The following PCSK6 variants were observed in gnomAD, a reference collection of about 807,000 sequenced individuals.
PCSK6 encodes proprotein convertase subtilisin/kexin type 6, also known as paired basic amino acid cleaving enzyme 4.
In PCSK6, 85 loss-of-function variants were observed where a neutral mutation model predicts 123.3. The observed-to-expected ratio is 0.69, with a 90% CI of 0.58 to 0.83. The LOEUF (loss-of-function observed/expected upper bound fraction) is 0.83, where lower values mean the gene tolerates loss of function less well. Among genes scored for constraint, PCSK6 ranks in the 40% least tolerant of loss-of-function variants. The pLI is 0.00. For synonymous variants in PCSK6, 508 were observed against 516.0 expected (o/e 0.98, Z 0.21); for missense variants, 1,191 against 1,282.3 (o/e 0.93, Z 1.09).
intron 2 of PCSK6, among the ~76,000 whole-genome samples, chr15:101,434,768 G>C (rs2056548023): frequency 6.6e-6 from 1 of 150,776 alleles, no homozygotes; most frequent in Admixed American, 6.6e-5. Context: ...ACGGGATGCA[G>C]GCAGACAGCG....
intron 12 of PCSK6, among the ~76,000 whole-genome samples, chr15:101,369,839 C>T (rs1443278831): frequency 6.6e-6 from 1 of 152,214 alleles, no homozygotes; most frequent in Non-Finnish European, 1.5e-5. Flanking sequence ...TCCCCACATA[C>T]CACCCGAGCC....
chr15:101,433,983 C>T (rs989115685), intron 2 of PCSK6, among the ~76,000 whole-genome samples: 8 of 151,684 alleles, frequency 5.3e-5, no homozygotes, highest in Admixed American at 3.3e-4. Flanking sequence ...ACCAGTTTCA[C>T]GTCACACACT....
chr15:101,458,128 T>C (rs1342185671), intron 1 of PCSK6, among the ~76,000 whole-genome samples: 1 of 152,216 alleles, frequency 6.6e-6, no homozygotes, highest in East Asian at 1.9e-4. Flanking sequence ...ATGGCTGTTC[T>C]ACTCATGCTG....
chr15:101,448,543 T>C (rs916868111), intron 1 of PCSK6, among the ~76,000 whole-genome samples: 6 of 152,188 alleles, frequency 3.9e-5, no homozygotes, highest in Non-Finnish European at 5.9e-5. Context: ...CAGCTGACGC[T>C]TGCTGGGCAC....
At chr15:101,364,912 A>G (rs2041343389) in intron 13 of PCSK6, 5 of 670,358 alleles carry the variant, frequency 7.5e-6, no homozygotes, top group African/African-American at 1.7e-5. Flanking sequence ...AACTTACTAC[A>G]AAGCTACAGT....
chr15:101,364,879 G>T (rs4965833), intron 13 of PCSK6: 27 of 599,774 alleles, frequency 4.5e-5, no homozygotes, highest in Non-Finnish European at 8.2e-5. Flanking sequence ...CCAAGTTGGA[G>T]GACTCGCACT....
chr15:101,403,710 T>TTTA (rs1403261526), intron 6 of PCSK6, among the ~76,000 whole-genome samples: 1 of 143,924 alleles, frequency 6.9e-6, no homozygotes, highest in East Asian at 2.1e-4. Flanking sequence ...TGCCATTGCC[T>TTTA]TTATTTATTT....
At chr15:101,322,419 C>A in intron 18 of PCSK6, 101 bp downstream of exon 18, 1 of 787,646 alleles carries the variant, frequency 1.3e-6, no homozygotes, top group Non-Finnish European at 2.1e-6. Flanking sequence ...GGGCCTCTGA[C>A]AGTTCAGCTT....
intron 18 of PCSK6, among the ~76,000 whole-genome samples, chr15:101,321,734 T>C (rs2040126882): frequency 1.3e-5 from 2 of 152,250 alleles, no homozygotes; most frequent in Admixed American, 6.5e-5. Context: ...TCCTCACCAC[T>C]GCCAGCCTGC....
intron 13 of PCSK6, among the ~76,000 whole-genome samples, chr15:101,363,073 G>A (rs2041282732): frequency 6.6e-6 from 1 of 152,236 alleles, no homozygotes; most frequent in Non-Finnish European, 1.5e-5. Flanking sequence ...ATAAAGGGGA[G>A]CAGAGAAGTG....
chr15:101,418,660 C>A (rs1326595249), intron 6 of PCSK6, among the ~76,000 whole-genome samples: 2 of 151,884 alleles, frequency 1.3e-5, no homozygotes, highest in Non-Finnish European at 2.9e-5. Flanking sequence ...TTACAGGTGC[C>A]TGCCACCATG....
At chr15:101,422,778 C>A (rs752001387) in intron 6 of PCSK6, among the ~76,000 whole-genome samples, 1 of 152,134 alleles carries the variant, frequency 6.6e-6, no homozygotes, top group Non-Finnish European at 1.5e-5. Context: ...CCCGCCACCG[C>A]GCCCGGCTAA....
At chr15:101,405,075 T>C (rs1244874071) in intron 6 of PCSK6, among the ~76,000 whole-genome samples, 2 of 152,198 alleles carry the variant, frequency 1.3e-5, no homozygotes, top group Non-Finnish European at 2.9e-5. Context: ...GCATCTATTT[T>C]CCCCAACACT....
intron 1 of PCSK6, among the ~76,000 whole-genome samples, chr15:101,460,640 T>TACCAGGACTTCAAGCAC (rs1328954827): frequency 6.6e-6 from 1 of 152,174 alleles, no homozygotes; most frequent in Admixed American, 6.6e-5. Context: ...CTGAGCCCAG[T>TACCAGGACTTCAAGCAC]ACCAGGACTT....
intron 6 of PCSK6, among the ~76,000 whole-genome samples, chr15:101,401,249 C>T (rs1357278896): frequency 6.6e-6 from 1 of 152,230 alleles, no homozygotes; most frequent in South Asian, 2.1e-4. Context: ...GCGTGGGCAG[C>T]GATGGAGGAT....
chr15:101,398,589 A>C lies in PCSK6; in HGVS notation c.824-13T>G. ...AGCATGCGGATGCCTGAAAGCACAG[A>C]GGAGGCTCGGTGTCGGCGCCCAGGC... is the stretch of plus-strand genomic sequence containing the variant. On this transcript the variant is annotated splice_polypyrimidine_tract_variant and intron_variant, in intron 6 of 21. Transcript: ENST00000611716. The surrounding 1 kb of genome is among the most constrained non-coding windows in gnomAD (Gnocchi z 4.6). The C allele has an allele frequency of 6.2e-7, 1 of 1,602,776 alleles. No individual in the cohort carries two copies. The highest frequency in any genetic ancestry group is 1.1e-5 in the South Asian group (1 of 90,842).
In PCSK6 at chr15:101,331,854, G is replaced by A. The variant is rs1401884598; in HGVS notation, c.2036C>T (p.Thr679Ile). 2 of 1,612,622 alleles carry A rather than the reference G, an allele frequency of 1.2e-6. No individual in the cohort carries two copies. Among genetic ancestry groups the A allele is most frequent in the Admixed American group, 3.3e-5 (2 of 59,962 alleles). The change falls in exon 14 of 22, where the codon ACA (threonine) becomes ATA (isoleucine). Residue 679 changes from threonine (T) to isoleucine (I), a missense_variant and splice_region_variant. This residue lies in a region of PCSK6 where 630 missense variants were observed against 631.4 expected (regional missense o/e 1.00). Transcript: ENST00000611716. ...TCCTCTTACTTCAGGCTCATTACCT[G>A]TGTAATCTTCCTCATCTTCAGGAAC... ...VEVPEDEEDY[T>I]AQSTPGSANI...
At chr15:101,446,939 A>G (rs1218003326) in intron 1 of PCSK6, among the ~76,000 whole-genome samples, 1 of 152,048 alleles carries the variant, frequency 6.6e-6, no homozygotes, top group East Asian at 1.9e-4. Flanking sequence ...CCTTTGCAAC[A>G]TCAGGCACCA....
At chr15:101,342,013 C>G (rs2040621045) in intron 13 of PCSK6, among the ~76,000 whole-genome samples, 1 of 150,496 alleles carries the variant, frequency 6.6e-6, no homozygotes. Flanking sequence ...GCCTGTAATC[C>G]CAGCTACTTG....
Sources: allele counts gnomAD v4.1 joint callset (sites outside exome capture counted in the v4.1 genomes callset), GRCh38; gene constraint gnomAD v4.1.1; regional missense constraint gnomAD v4.1.1; non-coding constraint Gnocchi (gnomAD v3.1); transcripts MANE v1.5; gene names NCBI Gene and HGNC (gene_info 2026-07-23, HGNC 2026-07-21).